The following BICRAL variants were observed in gnomAD, a reference collection of about 807,000 sequenced individuals.
BICRAL encodes the protein BRD4-interacting chromatin-remodeling complex-associated protein-like.
Under a neutral mutation model 91.8 loss-of-function variants are expected in BICRAL, and 8 were observed. The observed-to-expected ratio is 0.09, with a 90% confidence interval of 0.05 to 0.16. BICRAL has a LOEUF of 0.16. BICRAL is among the 10% of genes least tolerant of loss of function. The pLI, the probability that BICRAL is intolerant of heterozygous loss-of-function variation, is 1.00. For missense variants in BICRAL, 1,038 were observed against 1,310.9 expected (o/e 0.79, Z 3.21); for synonymous variants, 445 against 491.1 (o/e 0.91, Z 1.24).
chr6:42,845,297 C>T (rs1015695448), intron 6 of BICRAL, among the ~76,000 whole-genome samples: 7 of 128,372 alleles, frequency 5.5e-5, no homozygotes, highest in African/African-American at 2.0e-4. Flanking sequence ...GGTGCGATCT[C>T]GGCTCACTGT....
rs149072770 is a variant in BICRAL, at chr6:42,859,941, G to A, written c.2255-321G>A. On this transcript the variant is annotated intron_variant, in intron 10 of 12. Coordinates refer to ENST00000314073, the MANE Select transcript of BICRAL (RefSeq NM_001393499.1). ...ATTACAGGCATGAGCCACCGTGCCCGGCCTACTCATTGATATTTATTGCGA... is the reference window on the plus strand; with the variant it reads ...ATTACAGGCATGAGCCACCGTGCCCAGCCTACTCATTGATATTTATTGCGA... 8.0e-3 allele frequency among the ~76,000 whole-genome samples: 1,212 copies of A among 152,076 alleles called. 11 individuals are homozygous for A. The highest frequency in any genetic ancestry group is 0.027 in the African/African-American group (1,139 of 41,466).
intron 11 of BICRAL, 21 bp downstream of exon 11, chr6:42,860,377 A>AT (rs1422834878): frequency 7.0e-7 from 1 of 1,433,456 alleles, no homozygotes; most frequent in Non-Finnish European, 9.8e-7. Flanking sequence ...TGCTACTGAT[A>AT]TTTGTTCTTT....
intron 1 of BICRAL, among the ~76,000 whole-genome samples, chr6:42,765,330 T>G (rs1005625178): frequency 2.6e-5 from 4 of 152,162 alleles, no homozygotes; most frequent in African/African-American, 9.7e-5. Context: ...TGCCAGGGAT[T>G]TGTAGCTCTG....
chr6:42,804,118 G>A lies in BICRAL; in HGVS notation c.-101-6188G>A, dbSNP rs144495670. Among the ~76,000 whole-genome samples the A allele has an allele frequency of 6.3e-3, 956 of 152,312 alleles. 4 individuals carry two copies. The highest frequency in any genetic ancestry group is 0.034 in the Middle Eastern group (10 of 294). On this transcript the variant is annotated intron_variant, in intron 1 of 12. Coordinates refer to ENST00000314073, the MANE Select transcript of BICRAL (RefSeq NM_001393499.1). ...GCTCACTGCAAACTCTGCCTCCCGG[G>A]TTCAAGCGATTCTCCTGCCTCAGCC... is the stretch of plus-strand genomic sequence containing the variant.
chr6:42,852,905 G>A (rs947868624), intron 7 of BICRAL, among the ~76,000 whole-genome samples: 1 of 151,524 alleles, frequency 6.6e-6, no homozygotes, highest in Non-Finnish European at 1.5e-5. Flanking sequence ...AGACCAGCCT[G>A]GCCAACATGG....
At chr6:42,800,548 T>TTTCC (rs1763535742) in intron 1 of BICRAL, among the ~76,000 whole-genome samples, 1 of 119,738 alleles carries the variant, frequency 8.4e-6, no homozygotes, top group Non-Finnish European at 1.7e-5. Context: ...TTTTTTTCTT[T>TTTCC]TTTCTTTTCT....
chr6:42,838,079 T>C (rs1764692442), intron 6 of BICRAL, among the ~76,000 whole-genome samples: 1 of 152,246 alleles, frequency 6.6e-6, no homozygotes, highest in Non-Finnish European at 1.5e-5. Flanking sequence ...TACTTTTTTC[T>C]CTTAACCATT....
chr6:42,806,118 A>G (rs893884217), intron 1 of BICRAL, among the ~76,000 whole-genome samples: 1 of 152,172 alleles, frequency 6.6e-6, no homozygotes, highest in Non-Finnish European at 1.5e-5. Context: ...TGCCCACAGC[A>G]TCTTTCCTTC....
chr6:42,797,487 G>C (rs1337749258), intron 1 of BICRAL, among the ~76,000 whole-genome samples: 1 of 152,164 alleles, frequency 6.6e-6, no homozygotes, highest in Non-Finnish European at 1.5e-5. Flanking sequence ...ACCGATCTGA[G>C]TTCTAGCATC....
chr6:42,764,243 G>GAAAA (rs528842794), intron 1 of BICRAL, among the ~76,000 whole-genome samples: 4 of 125,634 alleles, frequency 3.2e-5, no homozygotes, highest in African/African-American at 1.1e-4. Context: ...CTTTGTTTCC[G>GAAAA]AAAAAAAAAA....
chr6:42,762,005 G>C (rs775528140), intron 1 of BICRAL, among the ~76,000 whole-genome samples: 2 of 152,150 alleles, frequency 1.3e-5, no homozygotes, highest in African/African-American at 2.4e-5. Flanking sequence ...TATTGGGCCA[G>C]GCCTACAGTA....
At chr6:42,751,263 C>G (rs916221685) in intron 1 of BICRAL, among the ~76,000 whole-genome samples, 1 of 152,010 alleles carries the variant, frequency 6.6e-6, no homozygotes, top group Admixed American at 6.6e-5. Context: ...TGGGAGGACC[C>G]GTGTCCTGGG....
chr6:42,776,011 GT>G (rs1264647428), intron 1 of BICRAL, among the ~76,000 whole-genome samples: 2 of 152,000 alleles, frequency 1.3e-5, no homozygotes, highest in South Asian at 4.1e-4. Context: ...TGAAGCAAAG[GT>G]TTTTTATTTT....
chr6:42,815,259 G>A (rs544566195), intron 2 of BICRAL, among the ~76,000 whole-genome samples: 73 of 133,604 alleles, frequency 5.5e-4, no homozygotes, highest in African/African-American at 2.0e-3. Context: ...GGGCAATCTT[G>A]GCTCACTGCA....
At chr6:42,796,679 A>G (rs996350258) in intron 1 of BICRAL, among the ~76,000 whole-genome samples, 2 of 152,132 alleles carry the variant, frequency 1.3e-5, no homozygotes, top group Non-Finnish European at 2.9e-5. Context: ...TGGAGGTGGT[A>G]CATGTTGGAT....
rs1403804341 is a variant in BICRAL at position 42,829,546 on chromosome 6, A to G, written c.1213A>G (p.Thr405Ala). 6.2e-7 allele frequency: 1 copy of G among 1,614,078 alleles called. No individual in the cohort carries two copies. The highest frequency in any genetic ancestry group is 8.5e-7 in the Non-Finnish European group (1 of 1,180,026). Reference protein sequence around the residue: ...HAPQSQFLIPTSLSVSSNSVH... With the variant: ...HAPQSQFLIPASLSVSSNSVH... ...ACCCCAAAGTCAGTTCCTTATACCT[A>G]CAAGCCTTTCTGTCAGTTCCAACTC... The change falls in exon 6 of 13, where the codon ACA (threonine) becomes GCA (alanine). Residue 405 changes from threonine (T) to alanine (A), a missense_variant. Thr to Ala is a moderately conservative substitution (Grantham distance 58). Transcript: ENST00000314073.
At chr6:42,821,225 A>C (rs961378050) in intron 2 of BICRAL, 5 of 152,198 alleles carry the variant, frequency 3.3e-5, no homozygotes, top group African/African-American at 1.2e-4. Flanking sequence ...TAAGTTTCCC[A>C]GTCTGTGGGG....
At chr6:42,854,211 T>G (rs1581634235) in intron 8 of BICRAL, among the ~76,000 whole-genome samples, 1 of 152,352 alleles carries the variant, frequency 6.6e-6, no homozygotes, top group East Asian at 1.9e-4. Flanking sequence ...TTTTTGGTTT[T>G]TGTTTGAGAC....
intron 1 of BICRAL, among the ~76,000 whole-genome samples, chr6:42,761,182 CG>C (rs200091485): frequency 0.024 from 3,608 of 151,986 alleles, 65 homozygotes; most frequent in Non-Finnish European, 0.036. Flanking sequence ...GATAGGGCAC[CG>C]GTGGCTCACG....
Sources: allele counts gnomAD v4.1 joint callset (sites outside exome capture counted in the v4.1 genomes callset), GRCh38; gene constraint gnomAD v4.1.1; transcripts MANE v1.5; gene names NCBI Gene and HGNC (gene_info 2026-07-23, HGNC 2026-07-21).